Variants in SYN3 observed in about 807,000 individuals in gnomAD.
SYN3 encodes synapsin III.
SYN3 carries 35 observed loss-of-function variants against 65.8 expected under a neutral mutation model. The observed-to-expected ratio is 0.53, with a 90% confidence interval of 0.41 to 0.70. The LOEUF is 0.70. Ranked by LOEUF, SYN3 falls within the 30% of genes least tolerant of loss-of-function variation. The pLI is 0.00. For missense variants in SYN3, 680 were observed against 749.0 expected, an observed-to-expected ratio of 0.91 and a Z score of 1.08; for synonymous variants, 270 against 292.9, an observed-to-expected ratio of 0.92 and a Z score of 0.80.
In SYN3 at chr22:32,912,755, T is replaced by C. The variant is rs1029820533; in HGVS notation, c.461+18635A>G. Among the ~76,000 whole-genome samples, 4 of 152,168 alleles carry C rather than the reference T, an allele frequency of 2.6e-5. No homozygotes were observed. In the East Asian group the frequency reaches 7.7e-4, roughly 29 times the overall value. The stretch of plus-strand genomic sequence containing the variant: ...AAAGTCTCACTCTAACAAGGCTACA[T>C]ACTGAATAATTCCAACAACATGACA... On this transcript the variant is annotated intron_variant, in intron 4 of 13. Transcript: ENST00000358763.
At chr22:33,050,228 C>G (rs561089662) in intron 1 of SYN3, among the ~76,000 whole-genome samples, 1 of 152,036 alleles carries the variant, frequency 6.6e-6, no homozygotes, top group East Asian at 1.9e-4. Context: ...ACACCTGTAA[C>G]CCCAGCAGTT....
intron 6 of SYN3, among the ~76,000 whole-genome samples, chr22:32,686,415 T>C (rs1461778542): frequency 2.0e-5 from 3 of 150,126 alleles, no homozygotes; most frequent in African/African-American, 7.4e-5. Flanking sequence ...TCAAGAAAAG[T>C]CAGAGATTTA....
intron 6 of SYN3, among the ~76,000 whole-genome samples, chr22:32,744,115 C>T (rs1335235985): frequency 6.6e-6 from 1 of 152,102 alleles, no homozygotes; most frequent in African/African-American, 2.4e-5. Flanking sequence ...GTGGCTTGTA[C>T]ATCAGTGCCC....
intron 1 of SYN3, among the ~76,000 whole-genome samples, chr22:33,029,637 T>C (rs1489862995): frequency 6.6e-6 from 1 of 152,306 alleles, no homozygotes; most frequent in East Asian, 1.9e-4. Context: ...GATGTGGACA[T>C]TGAAGCCCAA....
chr22:32,807,314 A>T (rs5994634), intron 6 of SYN3, among the ~76,000 whole-genome samples: 1 of 112,476 alleles, frequency 8.9e-6, no homozygotes, highest in Non-Finnish European at 1.7e-5. Flanking sequence ...ATAAATATAT[A>T]ATATATAAAT....
chr22:32,573,854 C>T (rs1439104206), intron 7 of SYN3, among the ~76,000 whole-genome samples: 8 of 149,838 alleles, frequency 5.3e-5, no homozygotes, highest in African/African-American at 1.7e-4. Flanking sequence ...ACTGCATCCT[C>T]CGCCTCCCAG....
chr22:32,870,410 A>T (rs1270804324), intron 4 of SYN3, among the ~76,000 whole-genome samples: 4 of 152,180 alleles, frequency 2.6e-5, no homozygotes, highest in Non-Finnish European at 2.9e-5. Flanking sequence ...ATAATTTTTA[A>T]TTTCTACACA....
At chr22:32,765,507 A>T (rs973001292) in intron 6 of SYN3, among the ~76,000 whole-genome samples, 2 of 152,130 alleles carry the variant, frequency 1.3e-5, no homozygotes, top group Non-Finnish European at 2.9e-5. Context: ...AAAAACAGGA[A>T]AGTGGAGGAC....
At chr22:32,677,351 G>A (rs2060460435) in intron 6 of SYN3, among the ~76,000 whole-genome samples, 1 of 152,188 alleles carries the variant, frequency 6.6e-6, no homozygotes, top group Non-Finnish European at 1.5e-5. Context: ...TCTGTACTAG[G>A]ATGTTTACTG....
rs370963561 is a variant in SYN3, at chr22:32,658,875, G to A, written c.712-62139C>T. Reference sequence around the variant, plus strand: ...GGGGGCGTGAGGAAGCATGTTATATGTAGCGATAATAACAGGAATGATTGC... The same window carrying A: ...GGGGGCGTGAGGAAGCATGTTATATATAGCGATAATAACAGGAATGATTGC... On this transcript the variant is annotated intron_variant, in intron 6 of 13. Coordinates refer to ENST00000358763, the MANE Select transcript of SYN3 (RefSeq NM_003490.4). Among the ~76,000 whole-genome samples the A allele has an allele frequency of 2.7e-3, 409 of 152,340 alleles. 1 individual carries two copies. Among genetic ancestry groups the A allele is most frequent in the African/African-American group, 9.1e-3 (378 of 41,580 alleles).
rs989692693 is a variant in SYN3 at position 32,511,701 on chromosome 22, A to G, written c.*1991T>C. ...ATTTTATTTGCTGCTGATCCTAGCC[A>G]GTGTTAATCAGGCCTGAGCCTACCA... On this transcript the variant is annotated 3_prime_UTR_variant, in exon 14 of 14. Coordinates refer to ENST00000358763, the MANE Select transcript of SYN3 (RefSeq NM_003490.4). Among the ~76,000 whole-genome samples the G allele has an allele frequency of 4.6e-5, 7 of 152,352 alleles. No homozygotes were observed. The highest frequency in any genetic ancestry group is 2.0e-4 in the Admixed American group (3 of 15,308).
At position 32,976,298 on chromosome 22, in the gene SYN3, GT is replaced by G. The variant is rs201269358; in HGVS notation, c.369+4346del. ...GGATTGGGAGTTGCTCAAGGGCAGGGTTTATACCTTCTCTTGCCTTTTGCTC... is the reference window on the plus strand; with the variant it reads ...GGATTGGGAGTTGCTCAAGGGCAGGGTTATACCTTCTCTTGCCTTTTGCTC... On this transcript the variant is annotated intron_variant, in intron 3 of 13. Coordinates refer to ENST00000358763, the MANE Select transcript of SYN3 (RefSeq NM_003490.4). Among the ~76,000 whole-genome samples the G allele has an allele frequency of 8.1e-3, 1,234 of 152,276 alleles. 20 individuals are homozygous for G. Among genetic ancestry groups the G allele is most frequent in the African/African-American group, 0.028 (1,167 of 41,558 alleles).
At chr22:32,777,084 G>A (rs2045925002) in intron 6 of SYN3, among the ~76,000 whole-genome samples, 1 of 152,116 alleles carries the variant, frequency 6.6e-6, no homozygotes, top group African/African-American at 2.4e-5. Flanking sequence ...GCCCTTCTCC[G>A]TGGCTTTCAA....
intron 3 of SYN3, among the ~76,000 whole-genome samples, chr22:32,975,595 C>A (rs2052161566): frequency 6.6e-6 from 1 of 152,142 alleles, no homozygotes. Flanking sequence ...ACCAGCCGAA[C>A]CTGCACTCTC....
chr22:32,615,448 A>AAAAAAAAAAAAG (rs1458941523), intron 6 of SYN3, among the ~76,000 whole-genome samples: 1 of 149,550 alleles, frequency 6.7e-6, no homozygotes, highest in African/African-American at 2.5e-5. Flanking sequence ...AAAAAAAAAA[A>AAAAAAAAAAAAG]AAAGAAAAAA....
At chr22:33,047,177 A>G (rs2054081337) in intron 1 of SYN3, among the ~76,000 whole-genome samples, 1 of 152,174 alleles carries the variant, frequency 6.6e-6, no homozygotes, top group Admixed American at 6.5e-5. Context: ...GTGGCATCAT[A>G]TAATATATTT....
rs1316779925 is a variant in SYN3, at chr22:32,780,958, CTT to C, written c.711+83955_711+83956del. Among the ~76,000 whole-genome samples the C allele has an allele frequency of 4.8e-5, 4 of 83,910 alleles. No homozygotes were observed. The East Asian group carries it at 2.3e-3, about 47-fold the overall frequency. 55.0% of individuals were successfully genotyped at this position (83,910 alleles called of 152,430 possible). ...CTTTCCTTCCTTCCTTCCTTCCTTC[CTT>C]CCTTCCTTCCTTCCTTCCCTCCTTC... On this transcript the variant is annotated intron_variant, in intron 6 of 13. Coordinates refer to ENST00000358763, the MANE Select transcript of SYN3 (RefSeq NM_003490.4).
intron 6 of SYN3, among the ~76,000 whole-genome samples, chr22:32,648,363 A>G (rs1312909265): frequency 6.6e-6 from 1 of 152,168 alleles, no homozygotes; most frequent in East Asian, 1.9e-4. Flanking sequence ...CTGGTTTTCC[A>G]TTTATGGTAG....
intron 2 of SYN3, among the ~76,000 whole-genome samples, chr22:32,991,008 AC>A (rs1213802057): frequency 6.6e-6 from 1 of 152,140 alleles, no homozygotes; most frequent in Non-Finnish European, 1.5e-5. Flanking sequence ...ACATAGTGAA[AC>A]TTTGTCTCTC....
Sources: gnomAD v4.1 joint callset for allele counts (sites outside exome capture counted in the v4.1 genomes callset) on GRCh38, gnomAD v4.1.1 for gene constraint, MANE v1.5 for transcripts, NCBI Gene and HGNC (gene_info 2026-07-23, HGNC 2026-07-21) for gene names.